CBLB: variants seen among roughly 807,000 people sequenced by gnomAD.
The protein encoded by CBLB is E3 ubiquitin-protein ligase CBL-B.
A neutral mutation model predicts 104.9 loss-of-function variants in CBLB; 31 were observed. That is an observed-to-expected ratio of 0.30 (90% CI 0.22 to 0.40). The LOEUF (loss-of-function observed/expected upper bound fraction) is 0.40. Among genes scored for constraint, CBLB ranks in the 10% least tolerant of loss-of-function variants. The pLI is 1.00. For missense variants in CBLB, 1,062 were observed against 1,214.6 expected (o/e 0.87, Z 1.87); for synonymous variants, 440 against 422.6 (o/e 1.04, Z -0.51).
At chr3:105,693,767 G>A (rs1260371801) in intron 12 of CBLB, among the ~76,000 whole-genome samples, 179 bp from the exon 13 acceptor site, 1 of 151,844 alleles carries the variant, frequency 6.6e-6, no homozygotes, top group Non-Finnish European at 1.5e-5. Context: ...CTGCCCAAAG[G>A]GGTTCAAGCT....
At chr3:105,726,784 T>G (rs550641866) in intron 9 of CBLB, among the ~76,000 whole-genome samples, 1 of 152,172 alleles carries the variant, frequency 6.6e-6, no homozygotes, top group Non-Finnish European at 1.5e-5. Context: ...CTTCCACTTA[T>G]GAGTGAGAAC....
chr3:105,796,723 C>T (rs1159419693), intron 3 of CBLB, among the ~76,000 whole-genome samples: 1 of 152,052 alleles, frequency 6.6e-6, no homozygotes, highest in African/African-American at 2.4e-5. Context: ...CCATAAGGAA[C>T]TTAAATTTAC....
intron 3 of CBLB, among the ~76,000 whole-genome samples, chr3:105,789,426 G>A (rs998238018): frequency 7.9e-5 from 12 of 152,080 alleles, no homozygotes; most frequent in Admixed American, 5.9e-4. Flanking sequence ...ACCAGGGAAC[G>A]TTTTTAGAAA....
chr3:105,779,598 A>C (rs1002738735), intron 3 of CBLB, among the ~76,000 whole-genome samples: 1 of 151,970 alleles, frequency 6.6e-6, no homozygotes. Flanking sequence ...TTAGAAATCC[A>C]TTATTTAACA....
intron 3 of CBLB, among the ~76,000 whole-genome samples, chr3:105,805,302 A>ATTTTT (rs1221623767): frequency 1.4e-5 from 2 of 138,640 alleles, no homozygotes; most frequent in Admixed American, 7.3e-5. Context: ...ATGGCCCCCA[A>ATTTTT]TTTTTTTTTT....
chr3:105,677,238 T>C (rs1413073041), intron 17 of CBLB, among the ~76,000 whole-genome samples: 3 of 152,124 alleles, frequency 2.0e-5, no homozygotes, highest in Non-Finnish European at 2.9e-5. Flanking sequence ...CAGAAGATTA[T>C]TCTTGAAAAA....
chr3:105,810,536 A>T lies in CBLB; in HGVS notation c.420-33994T>A, dbSNP rs189004361. 4.8e-4 allele frequency among the ~76,000 whole-genome samples: 73 copies of T among 152,284 alleles called. 2 individuals are homozygous for T. In the East Asian group the frequency reaches 0.012, roughly 25 times the overall value. On this transcript the variant is annotated intron_variant, in intron 3 of 18. Coordinates refer to ENST00000394030, the MANE Select transcript of CBLB (RefSeq NM_170662.5). Reference sequence around the variant, plus strand: ...AAGCATTTAGCGAAGAAATAGCTAAACTTCATAAGACTTTAATTCTAAACC... The same window carrying T: ...AAGCATTTAGCGAAGAAATAGCTAATCTTCATAAGACTTTAATTCTAAACC...
chr3:105,685,332 T>C lies in CBLB; in HGVS notation c.2189A>G (p.Lys730Arg). The change falls in exon 14 of 19, where the codon AAA becomes AGA. Residue 730 changes from lysine (K) to arginine (R), a missense_variant. Lys to Arg is a conservative substitution (Grantham distance 26). Around this residue, in one of 2 missense-constraint regions of CBLB, gnomAD observed 605 missense variants for 582.6 expected, o/e 1.04. Coordinates refer to ENST00000394030, the MANE Select transcript of CBLB (RefSeq NM_170662.5). ...CCCATACTCTTACCGAACAGGAGGT[T>C]TTACATTATGACAATGAGATGGTTG... The part of the protein sequence containing the change: ...NSQPSHCHNV[K>R]PPVRSCDNGH... The C allele has an allele frequency of 6.2e-7, 1 of 1,613,830 alleles. No homozygotes were observed. Among genetic ancestry groups the C allele is most frequent in the East Asian group, 2.2e-5 (1 of 44,802 alleles).
chr3:105,809,371 C>T (rs1053113545), intron 3 of CBLB, among the ~76,000 whole-genome samples: 3 of 152,146 alleles, frequency 2.0e-5, no homozygotes, highest in African/African-American at 7.2e-5. Context: ...ATTGTATCAA[C>T]AGTCATTTAA....
At chr3:105,714,878 C>T (rs1576553139) in intron 10 of CBLB, among the ~76,000 whole-genome samples, 1 of 152,318 alleles carries the variant, frequency 6.6e-6, no homozygotes, top group East Asian at 1.9e-4. Context: ...AAAAGAATAA[C>T]TTCCTTGACT....
At chr3:105,743,289 C>T (rs2075786723) in intron 6 of CBLB, among the ~76,000 whole-genome samples, 1 of 151,788 alleles carries the variant, frequency 6.6e-6, no homozygotes, top group Non-Finnish European at 1.5e-5. Context: ...GAAAACCCGT[C>T]TCCACTAAAA....
chr3:105,851,380 G>A (rs2090933404), intron 3 of CBLB, among the ~76,000 whole-genome samples: 1 of 152,126 alleles, frequency 6.6e-6, no homozygotes, highest in Non-Finnish European at 1.5e-5. Flanking sequence ...GGTTCAGGGG[G>A]GGAAGTGAGA....
chr3:105,717,834 T>C (rs748488721), intron 10 of CBLB, among the ~76,000 whole-genome samples: 1 of 152,234 alleles, frequency 6.6e-6, no homozygotes, highest in African/African-American at 2.4e-5. Context: ...ATGTATTACA[T>C]AGTATTATTA....
intron 16 of CBLB, among the ~76,000 whole-genome samples, chr3:105,679,769 T>C (rs2066087548): frequency 1.2e-4 from 1 of 8,334 alleles, no homozygotes; most frequent in Admixed American, 2.0e-3. Flanking sequence ...AGAAAGACTG[T>C]CTCAAAAAAA....
chr3:105,767,203 C>A (rs1250667431), intron 4 of CBLB, among the ~76,000 whole-genome samples: 1 of 151,936 alleles, frequency 6.6e-6, no homozygotes, highest in Non-Finnish European at 1.5e-5. Flanking sequence ...TAAAAATTTT[C>A]ATTGTAAAAA....
At chr3:105,835,907 G>C (rs2153086098) in intron 3 of CBLB, among the ~76,000 whole-genome samples, 1 of 152,262 alleles carries the variant, frequency 6.6e-6, no homozygotes, top group South Asian at 2.1e-4. Flanking sequence ...TACAAAGAAG[G>C]ATTAAACTTG....
intron 3 of CBLB, among the ~76,000 whole-genome samples, chr3:105,836,365 G>A (rs2088496786): frequency 6.6e-6 from 1 of 152,112 alleles, no homozygotes; most frequent in Admixed American, 6.5e-5. Flanking sequence ...GTGGATTTGG[G>A]AGTGTCCTCA....
intron 8 of CBLB, among the ~76,000 whole-genome samples, chr3:105,734,791 C>G (rs1170610628): frequency 2.6e-5 from 4 of 152,190 alleles, no homozygotes; most frequent in Admixed American, 2.0e-4. Flanking sequence ...AGTGCATACG[C>G]TTTCCCTAAC....
chr3:105,656,891 CTG>C lies in CBLB; in HGVS notation c.*2077_*2078del. On this transcript the variant is annotated 3_prime_UTR_variant, in exon 19 of 19. Transcript: ENST00000394030. ...TGCTATTCCAAGGTGACATCTGAAA[CTG>C]TTAAAACAAGTGAAAAATCATAATG... 2 of 211,946 alleles carry C rather than the reference CTG, an allele frequency of 9.4e-6. No homozygotes were observed. Among genetic ancestry groups the C allele is most frequent in the Non-Finnish European group, 1.9e-5 (2 of 104,668 alleles). 13.1% of individuals were successfully genotyped at this position (211,946 alleles called of 1,614,324 possible). A position where few individuals can be genotyped will look rare whatever the true frequency, so the allele number is the denominator to read the frequency against.
Sources: allele counts gnomAD v4.1 joint callset (sites outside exome capture counted in the v4.1 genomes callset), GRCh38; gene constraint gnomAD v4.1.1; regional missense constraint gnomAD v4.1.1; transcripts MANE v1.5; gene names NCBI Gene and HGNC (gene_info 2026-07-23, HGNC 2026-07-21).